AKAP8L: variants seen among roughly 807,000 people sequenced by gnomAD.
AKAP8L encodes A-kinase anchoring protein 8 like.
A neutral mutation model predicts 77.5 loss-of-function variants in AKAP8L; 34 were observed. The observed-to-expected ratio is 0.44, with a 90% CI of 0.33 to 0.58. AKAP8L has a LOEUF of 0.58. Ranked by LOEUF, AKAP8L falls within the 20% of genes least tolerant of loss-of-function variation. The pLI is 0.02. For missense variants in AKAP8L, 806 were observed against 887.6 expected, an observed-to-expected ratio of 0.91 and a Z score of 1.17; for synonymous variants, 342 against 340.7, an observed-to-expected ratio of 1.00 and a Z score of -0.04.
intron 2 of AKAP8L, 142 bp from the exon 3 acceptor site, chr19:15,404,184 A>G (rs1054572718): frequency 1.3e-6 from 1 of 783,314 alleles, no homozygotes; most frequent in Admixed American, 2.8e-5. Context: ...GCTCGCGAGC[A>G]CTGCGCAAAT....
In AKAP8L at chr19:15,386,052, A is replaced by T. The variant is rs575731326; in HGVS notation, c.1537-5440T>A. ...CAGCCTCTCGAGTAGCTGGGACTACAGGCGCCCGTCACTACGCCCGGCTAA... is the reference window on the plus strand; with the variant it reads ...CAGCCTCTCGAGTAGCTGGGACTACTGGCGCCCGTCACTACGCCCGGCTAA... On this transcript the variant is annotated intron_variant, in intron 12 of 13. Transcript: ENST00000397410. 1.3e-3 allele frequency among the ~76,000 whole-genome samples: 190 copies of T among 151,798 alleles called. 2 individuals are homozygous for T. Among genetic ancestry groups the T allele is most frequent in the Admixed American group, 9.4e-3 (144 of 15,248 alleles).
intron 12 of AKAP8L, among the ~76,000 whole-genome samples, chr19:15,396,410 C>T (rs1401144588): frequency 6.6e-6 from 1 of 152,196 alleles, no homozygotes; most frequent in Non-Finnish European, 1.5e-5. Context: ...CTCTGGCTTC[C>T]ATGCTAGGCA....
At position 15,403,521 on chromosome 19, in the gene AKAP8L, C is replaced by G. The variant is rs771696252; in HGVS notation, c.316G>C (p.Glu106Gln). Reference sequence around the variant, plus strand: ...ACGCCTCCTTGCATCATGTCTGTCTCCAAATGCGGCACCATATCTAAGCGC... The same window carrying G: ...ACGCCTCCTTGCATCATGTCTGTCTGCAAATGCGGCACCATATCTAAGCGC... ...NQRLDMVPHLETDMMQGGVYG... is the reference protein window; with the variant it reads ...NQRLDMVPHLQTDMMQGGVYG... Residue 106 changes from glutamate (E) to glutamine (Q), a missense_variant, in exon 4 of 14, where the codon GAG (glutamate) becomes CAG (glutamine). Glu to Gln is a conservative substitution (Grantham distance 29, BLOSUM62 2). Around this residue, in one of 2 missense-constraint regions of AKAP8L, gnomAD observed 580 missense variants for 694.1 expected, o/e 0.84. Transcript: ENST00000397410. This position sits in a 1 kb window ranked among gnomAD's most constrained non-coding sequence, Gnocchi z 4.3. 3.7e-6 allele frequency: 6 copies of G among 1,613,994 alleles called. No individual in the cohort carries two copies. The highest frequency in any genetic ancestry group is 5.1e-6 in the Non-Finnish European group (6 of 1,179,896).
Position 15,399,309 on chromosome 19 carries a change from C to T in AKAP8L, c.1150G>A (p.Val384Met), listed in dbSNP as rs1967841099. 4 of 1,613,756 alleles carry T rather than the reference C, an allele frequency of 2.5e-6. No individual in the cohort carries two copies. The highest frequency in any genetic ancestry group is 1.1e-5 in the South Asian group (1 of 91,068). The change falls in exon 9 of 14, where the codon GTG becomes ATG. Residue 384 changes from valine (V) to methionine (M), a missense_variant. This residue lies in a region of AKAP8L where 580 missense variants were observed against 694.1 expected (regional missense o/e 0.84). Transcript: ENST00000397410. This position sits in a 1 kb window ranked among gnomAD's most constrained non-coding sequence, Gnocchi z 6.1. Reference protein sequence around the residue: ...KQKKRQRDRMVERIQFVCSLC... With the variant: ...KQKKRQRDRMMERIQFVCSLC... ...TGGAGGGAAGCTGGTTACCTTTCCA[C>T]CATGCGGTCTCGCTGCCGCTTTTTC...
At chr19:15,385,609 T>A (rs1433080852) in intron 12 of AKAP8L, among the ~76,000 whole-genome samples, 1 of 152,120 alleles carries the variant, frequency 6.6e-6, no homozygotes. Flanking sequence ...TCATTTTATT[T>A]ATTTTTTTGA....
intron 12 of AKAP8L, among the ~76,000 whole-genome samples, chr19:15,385,474 C>T (rs564608381): frequency 1.3e-5 from 2 of 152,280 alleles, no homozygotes; most frequent in South Asian, 4.1e-4. Flanking sequence ...AGCCACCGCG[C>T]CCGGCAACTG....
intron 12 of AKAP8L, among the ~76,000 whole-genome samples, chr19:15,396,899 C>T (rs1967787432): frequency 6.6e-6 from 1 of 152,208 alleles, no homozygotes; most frequent in Non-Finnish European, 1.5e-5. Context: ...CCTAATCTGG[C>T]GCTGGCCCCT....
At chr19:15,410,457 A>AACT in intron 2 of AKAP8L, 63 bp downstream of exon 2, 3 of 1,423,510 alleles carry the variant, frequency 2.1e-6, no homozygotes, top group Non-Finnish European at 2.9e-6. Flanking sequence ...AGCCAAAGGC[A>AACT]ACTAAGAAGA....
At chr19:15,392,360 G>A (rs1323449363) in intron 12 of AKAP8L, among the ~76,000 whole-genome samples, 1 of 151,998 alleles carries the variant, frequency 6.6e-6, no homozygotes, top group African/African-American at 2.4e-5. Flanking sequence ...GCTGGGCATA[G>A]TGGCACATGC....
chr19:15,389,953 G>C (rs1459206565), intron 12 of AKAP8L, among the ~76,000 whole-genome samples: 2 of 151,734 alleles, frequency 1.3e-5, no homozygotes, highest in Non-Finnish European at 2.9e-5. Context: ...GGGCACGGTG[G>C]CTCATGCCTG....
In AKAP8L at chr19:15,403,764, G is replaced by C; in HGVS notation, c.122-49C>G. On this transcript the variant is annotated intron_variant, in intron 3 of 13. Coordinates refer to ENST00000397410, the MANE Select transcript of AKAP8L (RefSeq NM_014371.4). The surrounding 1 kb of genome is among the most constrained non-coding windows in gnomAD (Gnocchi z 4.3). Reference sequence around the variant, plus strand: ...GACAGATGGTGGGGGCAGGCAGAGGGGAGGCAGACAGAGACAGAGACAAAC... The same window carrying C: ...GACAGATGGTGGGGGCAGGCAGAGGCGAGGCAGACAGAGACAGAGACAAAC... 7.0e-7 allele frequency: 1 copy of C among 1,428,446 alleles called. No individual in the cohort carries two copies. Among genetic ancestry groups the C allele is most frequent in the Non-Finnish European group, 9.7e-7 (1 of 1,033,388 alleles). 88.5% of individuals were successfully genotyped at this position (1,428,446 alleles called of 1,614,324 possible). A position where few individuals can be genotyped will look rare whatever the true frequency, so the allele number is the denominator to read the frequency against.
chr19:15,406,687 A>G lies in AKAP8L; in HGVS notation c.89-2645T>C, dbSNP rs61533142. Among the ~76,000 whole-genome samples, 3,638 of 151,834 alleles carry G rather than the reference A, an allele frequency of 0.024. 362 individuals carry two copies. In the East Asian group the frequency reaches 0.32, roughly 13 times the overall value. On this transcript the variant is annotated intron_variant, in intron 2 of 13. Coordinates refer to ENST00000397410, the MANE Select transcript of AKAP8L (RefSeq NM_014371.4). ...TTACTATGTTGCCCAGGCTGGTCTC[A>G]AACTCCTGGGGGCTCAAGCCTCCCA...
At position 15,396,535 on chromosome 19, in the gene AKAP8L, C is replaced by T. The variant is rs540498246; in HGVS notation, c.1536+615G>A. ...TGCTCCCTGACAATCTTGGCAGCAC[C>T]GCTGTCCTCCCAGTTCCCCAAGTCA... On this transcript the variant is annotated intron_variant, in intron 12 of 13. Coordinates refer to ENST00000397410, the MANE Select transcript of AKAP8L (RefSeq NM_014371.4). Among the ~76,000 whole-genome samples the T allele has an allele frequency of 3.9e-5, 6 of 152,314 alleles. No homozygotes were observed. In the South Asian group the frequency reaches 6.2e-4, roughly 16 times the overall value.
At chr19:15,385,203 T>A (rs1360749875) in intron 12 of AKAP8L, among the ~76,000 whole-genome samples, 2 of 151,874 alleles carry the variant, frequency 1.3e-5, no homozygotes, top group African/African-American at 4.8e-5. Flanking sequence ...GGTCTCGATC[T>A]CCTGACCTCG....
At chr19:15,412,718 A>AT (rs1308309060) in intron 1 of AKAP8L, among the ~76,000 whole-genome samples, 4 of 151,992 alleles carry the variant, frequency 2.6e-5, no homozygotes, top group Non-Finnish European at 5.9e-5. Flanking sequence ...ATTTTTTTGT[A>AT]TTTTTAGTAG....
intron 1 of AKAP8L, among the ~76,000 whole-genome samples, chr19:15,415,681 T>C (rs1968191544): frequency 6.6e-6 from 1 of 151,814 alleles, no homozygotes. Context: ...GGTCAGGAGA[T>C]CAAGACCATC....
chr19:15,396,682 G>A (rs1415810056), intron 12 of AKAP8L, among the ~76,000 whole-genome samples: 2 of 151,922 alleles, frequency 1.3e-5, no homozygotes, highest in African/African-American at 2.4e-5. Flanking sequence ...GAGACTGCAG[G>A]AGCTCCTCCT....
chr19:15,413,594 T>C (rs1968147015), intron 1 of AKAP8L, among the ~76,000 whole-genome samples: 1 of 152,128 alleles, frequency 6.6e-6, no homozygotes, highest in African/African-American at 2.4e-5. Context: ...ATCCAGGCAT[T>C]GTTGATTAAT....
intron 12 of AKAP8L, among the ~76,000 whole-genome samples, chr19:15,385,740 C>G (rs966283299): frequency 6.6e-6 from 1 of 152,004 alleles, no homozygotes; most frequent in African/African-American, 2.4e-5. Context: ...GCTGGGACCA[C>G]AGGCCCCAGT....
Sources: allele counts gnomAD v4.1 joint callset (sites outside exome capture counted in the v4.1 genomes callset), GRCh38; gene constraint gnomAD v4.1.1; regional missense constraint gnomAD v4.1.1; non-coding constraint Gnocchi (gnomAD v3.1); transcripts MANE v1.5; gene names NCBI Gene and HGNC (gene_info 2026-07-23, HGNC 2026-07-21).